The following COL26A1 variants were observed in gnomAD, a reference collection of about 807,000 sequenced individuals.
COL26A1 encodes collagen alpha-1(XXVI) chain.
COL26A1 carries 41 observed loss-of-function variants against 59.3 expected under a neutral mutation model. The observed-to-expected ratio is 0.69, with a 90% confidence interval of 0.54 to 0.90. The LOEUF (loss-of-function observed/expected upper bound fraction) is 0.90. Among genes scored for constraint, COL26A1 ranks in the 40% least tolerant of loss-of-function variants. The pLI, the probability that COL26A1 is intolerant of heterozygous loss-of-function variation, is 0.00. For synonymous variants in COL26A1, 266 were observed against 256.0 expected (o/e 1.04, Z -0.37); for missense variants, 612 against 602.3 (o/e 1.02, Z -0.17).
At chr7:101,363,235 C>T (rs1466424412) in intron 1 of COL26A1, 45 bp downstream of exon 1, 7 of 1,221,898 alleles carry the variant, frequency 5.7e-6, no homozygotes, top group Non-Finnish European at 6.4e-6. Context: ...GGGGAGGGAG[C>T]GGACAGCGGG....
chr7:101,527,712 C>T (rs1230095832), intron 3 of COL26A1, among the ~76,000 whole-genome samples: 2 of 152,088 alleles, frequency 1.3e-5, no homozygotes, highest in African/African-American at 2.4e-5. Context: ...TTCCAACATA[C>T]ACCTATTGGC....
intron 1 of COL26A1, among the ~76,000 whole-genome samples, chr7:101,370,804 C>T (rs372016543): frequency 2.0e-5 from 3 of 152,272 alleles, no homozygotes; most frequent in Admixed American, 6.5e-5. Flanking sequence ...TACCTTGACT[C>T]CCCCCTCTTT....
At chr7:101,452,691 A>G (rs1162821553) in intron 3 of COL26A1, among the ~76,000 whole-genome samples, 1 of 152,158 alleles carries the variant, frequency 6.6e-6, no homozygotes, top group Admixed American at 6.6e-5. Context: ...CATTAGGAAT[A>G]TAATGGTAAG....
At chr7:101,539,845 A>G (rs1441730926) in intron 4 of COL26A1, 48 bp from the exon 5 acceptor site, 1 of 1,575,378 alleles carries the variant, frequency 6.3e-7, no homozygotes, top group Non-Finnish European at 8.6e-7. Flanking sequence ...GCATGTCCCT[A>G]TGTGTCAGGC....
At chr7:101,457,253 T>C (rs1240645046) in intron 3 of COL26A1, among the ~76,000 whole-genome samples, 1 of 152,130 alleles carries the variant, frequency 6.6e-6, no homozygotes, top group Non-Finnish European at 1.5e-5. Context: ...TGCAAAAGTC[T>C]GAAAAATATC....
intron 1 of COL26A1, among the ~76,000 whole-genome samples, chr7:101,415,314 G>A (rs1193732490): frequency 4.6e-5 from 7 of 151,998 alleles, no homozygotes; most frequent in East Asian, 1.9e-4. Context: ...CACCATGCCC[G>A]GCTAATTTTT....
At chr7:101,556,744 G>A (rs1236761966) in intron 12 of COL26A1, among the ~76,000 whole-genome samples, 2 of 152,024 alleles carry the variant, frequency 1.3e-5, no homozygotes, top group Admixed American at 1.3e-4. Context: ...GTGAATAGAT[G>A]CATGGATGAA....
intron 1 of COL26A1, among the ~76,000 whole-genome samples, chr7:101,392,385 C>A (rs1791754528): frequency 6.8e-6 from 1 of 146,986 alleles, no homozygotes; most frequent in Non-Finnish European, 1.5e-5. Flanking sequence ...GAACAAGTAT[C>A]CAACAACCAG....
Position 101,431,528 on chromosome 7 carries a change from G to A in COL26A1, c.281+11429G>A, listed in dbSNP as rs370726639. On this transcript the variant is annotated intron_variant, in intron 2 of 12. Transcript: ENST00000313669. Reference sequence around the variant, plus strand: ...CCTGCTTTGGCCTCCCAAAGTGTTGGGATTAACAGAGGTGAGCCACCATGC... The same window carrying A: ...CCTGCTTTGGCCTCCCAAAGTGTTGAGATTAACAGAGGTGAGCCACCATGC... Among the ~76,000 whole-genome samples, 4 of 152,216 alleles carry A rather than the reference G, an allele frequency of 2.6e-5. No individual in the cohort carries two copies. The East Asian group carries it at 7.7e-4, about 29-fold the overall frequency.
At chr7:101,388,197 G>C (rs1791638150) in intron 1 of COL26A1, among the ~76,000 whole-genome samples, 1 of 151,844 alleles carries the variant, frequency 6.6e-6, no homozygotes, top group Non-Finnish European at 1.5e-5. Context: ...TCTGGGCCGG[G>C]CGCCGTGGCT....
chr7:101,534,652 TATAC>T (rs375622105), intron 4 of COL26A1, among the ~76,000 whole-genome samples: 4,219 of 113,518 alleles, frequency 0.037, 184 homozygotes, highest in African/African-American at 0.16. Context: ...CACACATACA[TATAC>T]ACACACACAC....
intron 1 of COL26A1, 25 bp downstream of exon 1, chr7:101,363,215 CGGGGGGTG>C: frequency 3.6e-6 from 2 of 555,518 alleles, no homozygotes; most frequent in Non-Finnish European, 4.9e-6. Context: ...GCCGAGGGGC[CGGGGGGTG>C]GGGGGAGGGA....
chr7:101,512,138 G>C (rs1436769045), intron 3 of COL26A1, among the ~76,000 whole-genome samples: 1 of 152,200 alleles, frequency 6.6e-6, no homozygotes, highest in Non-Finnish European at 1.5e-5. Context: ...GGTCGGGGTG[G>C]AGTGAGAATA....
chr7:101,434,908 T>TTCG (rs1554410305), intron 2 of COL26A1, among the ~76,000 whole-genome samples: 2 of 151,760 alleles, frequency 1.3e-5, no homozygotes, highest in Non-Finnish European at 2.9e-5. Flanking sequence ...GGAGGACATG[T>TTCG]TCAAAGATTC....
At chr7:101,557,315 C>A in intron 12 of COL26A1, 55 bp from the exon 13 acceptor site, 1 of 1,542,492 alleles carries the variant, frequency 6.5e-7, no homozygotes, top group Non-Finnish European at 8.8e-7. Context: ...ATCAAATGTA[C>A]CCCCAAGTGT....
At chr7:101,499,090 G>A (rs964244413) in intron 3 of COL26A1, among the ~76,000 whole-genome samples, 2 of 152,200 alleles carry the variant, frequency 1.3e-5, no homozygotes, top group East Asian at 1.9e-4. Context: ...AGCCCATCCC[G>A]GGAAGGTCGG....
chr7:101,515,688 A>G (rs1016251578), intron 3 of COL26A1, among the ~76,000 whole-genome samples: 1 of 151,446 alleles, frequency 6.6e-6, no homozygotes, highest in Non-Finnish European at 1.5e-5. Context: ...TCCCTGGCTC[A>G]AGTGATTCTC....
chr7:101,432,147 A>G (rs1049149715), intron 2 of COL26A1, among the ~76,000 whole-genome samples: 2 of 151,938 alleles, frequency 1.3e-5, no homozygotes, highest in Non-Finnish European at 2.9e-5. Flanking sequence ...TTTTTAGTAG[A>G]GACAGGGTTT....
chr7:101,495,184 C>A (rs1028635333), intron 3 of COL26A1, among the ~76,000 whole-genome samples: 24 of 152,210 alleles, frequency 1.6e-4, no homozygotes, highest in Admixed American at 6.5e-4. Flanking sequence ...TCAGTCCCAG[C>A]TGGAACCCAA....
Sources: allele counts gnomAD v4.1 joint callset (sites outside exome capture counted in the v4.1 genomes callset), GRCh38; gene constraint gnomAD v4.1.1; transcripts MANE v1.5; gene names NCBI Gene and HGNC (gene_info 2026-07-23, HGNC 2026-07-21).